The following SPIDR variants were observed in gnomAD, a reference collection of about 807,000 sequenced individuals.
SPIDR encodes DNA repair-scaffolding protein.
A neutral mutation model predicts 104.6 loss-of-function variants in SPIDR; 93 were observed. The observed-to-expected ratio is 0.89, with a 90% CI of 0.75 to 1.06. The LOEUF is 1.06. Among genes scored for constraint, SPIDR ranks in the 50% least tolerant of loss-of-function variants. The pLI, the probability that SPIDR is intolerant of heterozygous loss-of-function variation, is 0.00. For missense variants in SPIDR, 1,154 were observed against 1,111.2 expected, an observed-to-expected ratio of 1.04 and a Z score of -0.55; for synonymous variants, 431 against 416.9, an observed-to-expected ratio of 1.03 and a Z score of -0.41.
At chr8:47,642,325 T>C (rs1588718554) in intron 10 of SPIDR, among the ~76,000 whole-genome samples, 1 of 147,000 alleles carries the variant, frequency 6.8e-6, no homozygotes, top group South Asian at 2.1e-4. Flanking sequence ...CTGAGGCAGG[T>C]GAATGGTGTG....
chr8:47,625,693 C>T (rs1402912359), intron 10 of SPIDR, among the ~76,000 whole-genome samples: 1 of 151,810 alleles, frequency 6.6e-6, no homozygotes, highest in Non-Finnish European at 1.5e-5. Context: ...ACGTGAAGGA[C>T]CTCTTCAAGG....
At chr8:47,406,091 C>CG (rs1554667109) in intron 6 of SPIDR, among the ~76,000 whole-genome samples, 6 of 135,118 alleles carry the variant, frequency 4.4e-5, no homozygotes, top group African/African-American at 1.6e-4. Flanking sequence ...TTCATTTTGC[C>CG]TTTTTTTTTT....
At chr8:47,335,775 T>C (rs976433692) in intron 5 of SPIDR, among the ~76,000 whole-genome samples, 8 of 152,204 alleles carry the variant, frequency 5.3e-5, no homozygotes, top group Admixed American at 5.2e-4. Flanking sequence ...AACATTTCAG[T>C]CTACTCTTGC....
At chr8:47,709,457 G>A (rs2154486961) in intron 14 of SPIDR, among the ~76,000 whole-genome samples, 1 of 152,084 alleles carries the variant, frequency 6.6e-6, no homozygotes, top group South Asian at 2.1e-4. Context: ...GGTATTTTTA[G>A]TAGAGATGGG....
At chr8:47,292,160 A>C (rs2040025706) in intron 4 of SPIDR, among the ~76,000 whole-genome samples, 1 of 152,182 alleles carries the variant, frequency 6.6e-6, no homozygotes, top group Non-Finnish European at 1.5e-5. Context: ...AAAATATACA[A>C]ATCATCTATA....
At chr8:47,491,620 G>A (rs1554739687) in intron 8 of SPIDR, among the ~76,000 whole-genome samples, 1 of 152,118 alleles carries the variant, frequency 6.6e-6, no homozygotes, top group East Asian at 1.9e-4. Flanking sequence ...CAGTAAACGT[G>A]CTGAGGGCCA....
At chr8:47,323,375 T>C (rs551977760) in intron 5 of SPIDR, among the ~76,000 whole-genome samples, 2 of 152,346 alleles carry the variant, frequency 1.3e-5, no homozygotes, top group Admixed American at 6.5e-5. Context: ...GTGTACAGTG[T>C]CTCACCACCA....
chr8:47,557,787 C>A (rs546540499), intron 8 of SPIDR, among the ~76,000 whole-genome samples: 1 of 152,262 alleles, frequency 6.6e-6, no homozygotes, highest in South Asian at 2.1e-4. Flanking sequence ...TTTTGAGATA[C>A]GCACAAGACT....
At chr8:47,694,800 G>A (rs530629226) in intron 11 of SPIDR, among the ~76,000 whole-genome samples, 17 of 151,590 alleles carry the variant, frequency 1.1e-4, no homozygotes, top group Non-Finnish European at 2.2e-4. Context: ...TAAAAAATGA[G>A]GGCCCAAAGA....
chr8:47,346,309 G>A (rs2052016449), intron 5 of SPIDR, among the ~76,000 whole-genome samples: 1 of 152,030 alleles, frequency 6.6e-6, no homozygotes. Context: ...TGCATCCCAG[G>A]GATGAAGCCG....
chr8:47,647,616 A>AAGAGAGAGAGAG (rs369414271), intron 10 of SPIDR, among the ~76,000 whole-genome samples: 5,640 of 60,328 alleles, frequency 0.093, 406 homozygotes, highest in Non-Finnish European at 0.13. Context: ...TCCATCTCGA[A>AAGAGAGAGAGAG]AGAGAGAGAG....
intron 8 of SPIDR, among the ~76,000 whole-genome samples, chr8:47,535,265 T>C (rs1418461102): frequency 6.6e-6 from 1 of 152,184 alleles, no homozygotes; most frequent in Non-Finnish European, 1.5e-5. Context: ...AGGAGTACTC[T>C]ATAATCTTTC....
At chr8:47,360,014 G>A (rs923804853) in intron 5 of SPIDR, among the ~76,000 whole-genome samples, 7 of 151,992 alleles carry the variant, frequency 4.6e-5, no homozygotes, top group Admixed American at 1.3e-4. Context: ...AGGCCGAGGC[G>A]GGCGGATCAC....
Position 47,683,353 on chromosome 8 carries a change from C to G in SPIDR, c.1685+9412C>G, listed in dbSNP as rs535398687. On this transcript the variant is annotated intron_variant, in intron 11 of 19. Transcript: ENST00000297423. ...CTCAAGGCATTTACACTCCAGAGAG[C>G]AGCAGGTTAATAACACTTTTGCTGT... Among the ~76,000 whole-genome samples the G allele has an allele frequency of 2.9e-4, 44 of 152,308 alleles. No homozygotes were observed. In the South Asian group the frequency reaches 2.9e-3, roughly 10 times the overall value.
intron 9 of SPIDR, among the ~76,000 whole-genome samples, chr8:47,598,339 GGT>G (rs1410894713): frequency 6.6e-6 from 1 of 152,138 alleles, no homozygotes; most frequent in Non-Finnish European, 1.5e-5. Context: ...GTAAAATGGA[GGT>G]GTGATATTAT....
intron 8 of SPIDR, among the ~76,000 whole-genome samples, chr8:47,509,554 C>T (rs959917604): frequency 9.2e-5 from 14 of 152,288 alleles, no homozygotes; most frequent in Admixed American, 2.0e-4. Flanking sequence ...GATGAACTCC[C>T]AGTTTTATAC....
chr8:47,446,566 C>T (rs1285451747), intron 8 of SPIDR, among the ~76,000 whole-genome samples: 2 of 151,464 alleles, frequency 1.3e-5, no homozygotes, highest in Non-Finnish European at 2.9e-5. Flanking sequence ...CTTTTAACTG[C>T]CATAGATAAT....
At chr8:47,292,172 A>C (rs997352173) in intron 4 of SPIDR, among the ~76,000 whole-genome samples, 2 of 152,162 alleles carry the variant, frequency 1.3e-5, no homozygotes, top group Non-Finnish European at 2.9e-5. Flanking sequence ...TCATCTATAG[A>C]GTATTTCAGT....
chr8:47,554,514 T>C (rs1290788117), intron 8 of SPIDR, among the ~76,000 whole-genome samples: 3 of 152,210 alleles, frequency 2.0e-5, no homozygotes, highest in Admixed American at 6.5e-5. Flanking sequence ...TGTGCTAGCA[T>C]TGAGCTAGGC....
Sources: allele counts gnomAD v4.1 joint callset (sites outside exome capture counted in the v4.1 genomes callset), GRCh38; gene constraint gnomAD v4.1.1; transcripts MANE v1.5; gene names NCBI Gene and HGNC (gene_info 2026-07-23, HGNC 2026-07-21).